The following ANKS1B variants were observed in gnomAD, a reference collection of about 807,000 sequenced individuals.
ANKS1B encodes ankyrin repeat and sterile alpha motif domain-containing protein 1B.
ANKS1B carries 36 observed loss-of-function variants against 148.3 expected under a neutral mutation model. The observed-to-expected ratio is 0.24, with a 90% confidence interval of 0.19 to 0.32. The LOEUF (loss-of-function observed/expected upper bound fraction) is 0.32, where lower values mean the gene tolerates loss of function less well. ANKS1B is among the 10% of genes least tolerant of loss of function. The probability of loss-of-function intolerance (pLI) is 1.00; values close to 1 mark genes in which losing one functional copy is unlikely to be tolerated. For missense variants in ANKS1B, 1,157 were observed against 1,542.6 expected (o/e 0.75, Z 4.19); for synonymous variants, 542 against 560.8 (o/e 0.97, Z 0.47).
intron 10 of ANKS1B, among the ~76,000 whole-genome samples, chr12:99,468,882 C>G (rs1478349053): frequency 2.0e-5 from 3 of 152,040 alleles, no homozygotes; most frequent in Non-Finnish European, 4.4e-5. Context: ...GTCAGTGTGG[C>G]GATTCCTCAG....
intron 1 of ANKS1B, among the ~76,000 whole-genome samples, chr12:99,937,459 C>G (rs994336084): frequency 2.6e-5 from 4 of 152,184 alleles, no homozygotes; most frequent in African/African-American, 9.7e-5. Flanking sequence ...GAAATACCCA[C>G]TTCTCCTTTG....
chr12:99,054,221 C>A (rs2099968088), intron 16 of ANKS1B, among the ~76,000 whole-genome samples: 1 of 152,196 alleles, frequency 6.6e-6, no homozygotes, highest in South Asian at 2.1e-4. Flanking sequence ...CCTCATCAAC[C>A]TGATGGGGGC....
chr12:99,886,530 T>C (rs1389424605), intron 1 of ANKS1B, among the ~76,000 whole-genome samples: 1 of 152,172 alleles, frequency 6.6e-6, no homozygotes, highest in Non-Finnish European at 1.5e-5. Flanking sequence ...ACCCTGTATA[T>C]ATACACATAC....
intron 17 of ANKS1B, among the ~76,000 whole-genome samples, chr12:98,904,960 C>A (rs1003426309): frequency 6.6e-5 from 10 of 151,988 alleles, no homozygotes; most frequent in Non-Finnish European, 1.5e-4. Context: ...TGTATGTATG[C>A]CTCTGAGATC....
intron 12 of ANKS1B, among the ~76,000 whole-genome samples, chr12:99,398,031 G>T (rs2094300324): frequency 6.6e-6 from 1 of 152,076 alleles, no homozygotes; most frequent in African/African-American, 2.4e-5. Flanking sequence ...AAGTTACAGA[G>T]CTAGTCAGGA....
intron 11 of ANKS1B, among the ~76,000 whole-genome samples, chr12:99,404,354 A>T (rs1464522928): frequency 6.8e-6 from 1 of 146,030 alleles, no homozygotes; most frequent in Non-Finnish European, 1.5e-5. Context: ...AAAAGAAATG[A>T]GAACAAAGAA....
At position 98,751,563 on chromosome 12, in the gene ANKS1B, C is replaced by A; in HGVS notation, c.3580-41G>T. On this transcript the variant is annotated intron_variant, in intron 25 of 26. Transcript: ENST00000683438. This position sits in a 1 kb window ranked among gnomAD's most constrained non-coding sequence, Gnocchi z 4.3. Reference sequence around the variant, plus strand: ...GAAAGCATTTGCTACTGGCACACTGCAAATTAGAATGGGTCGAATGGCTGA... The same window carrying A: ...GAAAGCATTTGCTACTGGCACACTGAAAATTAGAATGGGTCGAATGGCTGA... 6.2e-7 allele frequency: 1 copy of A among 1,600,220 alleles called. No homozygotes were observed. Among genetic ancestry groups the A allele is most frequent in the East Asian group, 2.2e-5 (1 of 44,782 alleles).
chr12:99,884,395 T>C (rs1338365750), intron 1 of ANKS1B, among the ~76,000 whole-genome samples: 1 of 152,226 alleles, frequency 6.6e-6, no homozygotes, highest in Non-Finnish European at 1.5e-5. Flanking sequence ...GTAATTCCAC[T>C]CTTAGTTATT....
At chr12:99,951,545 C>T (rs1489925346) in intron 1 of ANKS1B, among the ~76,000 whole-genome samples, 2 of 152,078 alleles carry the variant, frequency 1.3e-5, no homozygotes, top group East Asian at 3.9e-4. Context: ...AGACCTCACA[C>T]AGGTATCTGG....
intron 15 of ANKS1B, among the ~76,000 whole-genome samples, chr12:99,137,794 T>C (rs2068665466): frequency 6.6e-6 from 1 of 152,096 alleles, no homozygotes; most frequent in South Asian, 2.1e-4. Context: ...TCCGCTTGCC[T>C]GAAAGCTGTT....
intron 17 of ANKS1B, among the ~76,000 whole-genome samples, chr12:99,045,452 G>A (rs1201840636): frequency 6.6e-6 from 1 of 152,074 alleles, no homozygotes; most frequent in Non-Finnish European, 1.5e-5. Context: ...AAATCCTTTA[G>A]TGACTCCCTC....
intron 1 of ANKS1B, among the ~76,000 whole-genome samples, chr12:99,895,212 G>A (rs1235670426): frequency 6.7e-6 from 1 of 150,238 alleles, no homozygotes; most frequent in African/African-American, 2.4e-5. Context: ...GACCTTAGTA[G>A]AACAAAAAAT....
chr12:99,344,394 T>C (rs187925937), intron 12 of ANKS1B, among the ~76,000 whole-genome samples: 141 of 152,198 alleles, frequency 9.3e-4, no homozygotes, highest in Non-Finnish European at 1.4e-3. Context: ...ATAATTGTTT[T>C]CTGTCTCTTA....
intron 6 of ANKS1B, among the ~76,000 whole-genome samples, chr12:99,776,596 G>A (rs998897242): frequency 6.6e-6 from 1 of 152,138 alleles, no homozygotes; most frequent in African/African-American, 2.4e-5. Flanking sequence ...CCAATCTAAA[G>A]TTCATCCCTG....
At chr12:98,737,671 G>A (rs2097780193) in intron 9 of ANKS1B, among the ~76,000 whole-genome samples, 1 of 152,170 alleles carries the variant, frequency 6.6e-6, no homozygotes, top group Admixed American at 6.5e-5. Flanking sequence ...GATATCATGA[G>A]GCTGTCAAAT....
At chr12:99,819,757 A>T (rs188619853) in intron 2 of ANKS1B, among the ~76,000 whole-genome samples, 321 of 151,878 alleles carry the variant, frequency 2.1e-3, no homozygotes, top group Middle Eastern at 6.8e-3. Context: ...GGTTTAATAT[A>T]ACCTCACAGG....
intron 11 of ANKS1B, among the ~76,000 whole-genome samples, chr12:99,439,206 C>A (rs2095509807): frequency 2.0e-5 from 3 of 151,552 alleles, no homozygotes; most frequent in Admixed American, 6.6e-5. Context: ...AATATAAAAA[C>A]CAGAACGAGA....
intron 15 of ANKS1B, among the ~76,000 whole-genome samples, chr12:99,129,471 A>C (rs913954159): frequency 3.3e-5 from 5 of 152,226 alleles, no homozygotes; most frequent in African/African-American, 1.2e-4. Context: ...AGCAAGAGTT[A>C]TTTGAGGTGC....
In ANKS1B at chr12:99,784,525, A is replaced by G. The variant is rs114878706; in HGVS notation, c.670-2428T>C. Among the ~76,000 whole-genome samples, 477 of 152,240 alleles carry G rather than the reference A, an allele frequency of 3.1e-3. 1 individual carries two copies. Among genetic ancestry groups the G allele is most frequent in the African/African-American group, 0.011 (459 of 41,548 alleles). On this transcript the variant is annotated intron_variant, in intron 4 of 26. Transcript: ENST00000683438. ...TGCTTTCTTCCACAGGGGGTCTCCA[A>G]GGCTGGTCTCTCTGCCTGGCAGGAT...
Sources: gnomAD v4.1 joint callset for allele counts (sites outside exome capture counted in the v4.1 genomes callset) on GRCh38, gnomAD v4.1.1 for gene constraint, Gnocchi (gnomAD v3.1) non-coding constraint, MANE v1.5 for transcripts, NCBI Gene and HGNC (gene_info 2026-07-23, HGNC 2026-07-21) for gene names.